Variants in ETV7 observed in about 807,000 individuals in gnomAD.
ETV7 encodes transcription factor ETV7.
Under a neutral mutation model 39.1 loss-of-function variants are expected in ETV7, and 43 were observed. The observed-to-expected ratio is 1.10, with a 90% confidence interval of 0.86 to 1.42. The LOEUF (loss-of-function observed/expected upper bound fraction) is 1.42, where lower values mean the gene tolerates loss of function less well. ETV7 is among the 40% of genes most tolerant of loss of function. The probability of loss-of-function intolerance (pLI) is 0.00; values close to 1 mark genes in which losing one functional copy is unlikely to be tolerated. For missense variants in ETV7, 432 were observed against 442.3 expected, an observed-to-expected ratio of 0.98 and a Z score of 0.21; for synonymous variants, 196 against 176.6, an observed-to-expected ratio of 1.11 and a Z score of -0.87.
At chr6:36,379,875 CAAA>C (rs75859733) in intron 2 of ETV7, among the ~76,000 whole-genome samples, 3 of 85,830 alleles carry the variant, frequency 3.5e-5, no homozygotes, top group African/African-American at 4.4e-5. Context: ...GACGCCATCT[CAAA>C]AAAAAAAAAA....
Position 36,387,521 on chromosome 6 carries a change from C to T in ETV7, c.6+15G>A, listed in dbSNP as rs1773975546. ...CTCTGCGTGCGCGCTGCGTGTTCAG[C>T]CGCCAGGCTCTTACCTGCATTACAG... is the stretch of plus-strand genomic sequence containing the variant. On this transcript the variant is annotated intron_variant, in intron 1 of 7. Transcript: ENST00000340181. 6.2e-7 allele frequency: 1 copy of T among 1,613,988 alleles called. No homozygotes were observed.
At chr6:36,355,662 C>T (rs1206106877) in intron 7 of ETV7, among the ~76,000 whole-genome samples, 2 of 152,256 alleles carry the variant, frequency 1.3e-5, no homozygotes, top group Non-Finnish European at 2.9e-5. Context: ...ATCTGCCCAC[C>T]TTGGCTTCCC....
chr6:36,361,531 G>C (rs1772488538), downstream of ETV7, among the ~76,000 whole-genome samples: 1 of 152,228 alleles, frequency 6.6e-6, no homozygotes, highest in Non-Finnish European at 1.5e-5. Flanking sequence ...TGGGTCCCCA[G>C]CATCAGCCCA....
chr6:36,369,097 G>C (rs570895979), intron 5 of ETV7, 26 bp from the exon 6 acceptor site: 1 of 1,613,290 alleles, frequency 6.2e-7, no homozygotes, highest in East Asian at 2.2e-5. Flanking sequence ...GGGAGTGCAG[G>C]CAGCGCAGCT....
In ETV7 at chr6:36,359,227, A is replaced by G. The variant is rs1013922576; in HGVS notation, c.909-4540T>C. Among the ~76,000 whole-genome samples, 7 of 152,164 alleles carry G rather than the reference A, an allele frequency of 4.6e-5. No individual in the cohort carries two copies. In the South Asian group the frequency reaches 1.5e-3, roughly 32 times the overall value. On this transcript the variant is annotated intron_variant, in intron 7 of 7. Transcript: ENST00000339796. ...GCACTTTGGGAGGCCAAGGTGGGCA[A>G]ATCACCTGAGGTCGAGAGTTCAAGA... is the stretch of plus-strand genomic sequence containing the variant.
intron 3 of ETV7, among the ~76,000 whole-genome samples, chr6:36,375,462 G>C (rs12524959): frequency 1.8e-3 from 276 of 152,276 alleles, no homozygotes; most frequent in Non-Finnish European, 2.6e-3. Flanking sequence ...AGTCATATTG[G>C]AAGTCAAGGA....
Position 36,387,621 on chromosome 6 carries a change from G to A in ETV7, c.-80C>T. On this transcript the variant is annotated 5_prime_UTR_variant, in exon 1 of 8. Transcript: ENST00000340181. The stretch of plus-strand genomic sequence containing the variant: ...GTGGCTGCTGGGGCCCTAGGCCCGC[G>A]CCCCGCAGTCCTCCTCCGCCAAACC... 3 of 1,533,200 alleles carry A rather than the reference G, an allele frequency of 2.0e-6. No individual in the cohort carries two copies. The highest frequency in any genetic ancestry group is 2.7e-6 in the Non-Finnish European group (3 of 1,112,932). The allele number at this position is 1,533,200 out of a possible 1,614,324, so 95.0% of individuals were successfully genotyped here. A position where few individuals can be genotyped will look rare whatever the true frequency, so the allele number is the denominator to read the frequency against.
chr6:36,362,368 C>T (rs1228867246), downstream of ETV7, among the ~76,000 whole-genome samples: 1 of 151,936 alleles, frequency 6.6e-6, no homozygotes, highest in Non-Finnish European at 1.5e-5. Context: ...GAGGCTGAGG[C>T]AGGAGAATCA....
In ETV7 at chr6:36,375,859, C is replaced by A; in HGVS notation, c.307+12G>T. The A allele has an allele frequency of 6.2e-7, 1 of 1,613,882 alleles. No homozygotes were observed. Among genetic ancestry groups the A allele is most frequent in the South Asian group, 1.1e-5 (1 of 91,088 alleles). ...GTTCCCGCTTAGAGGAAAGCCTGTG[C>A]GTTTCCCTGACCTGAGCTGGGCGCA... On this transcript the variant is annotated intron_variant, in intron 3 of 7. Transcript: ENST00000340181.
chr6:36,385,687 A>G lies in ETV7; in HGVS notation c.7-18T>C, dbSNP rs1582231061. 6.3e-7 allele frequency: 1 copy of G among 1,584,270 alleles called. No homozygotes were observed. On this transcript the variant is annotated intron_variant, in intron 1 of 7. Transcript: ENST00000340181. ...TCTCCCTCCTAGAGAGAGAAAAACC[A>G]GGACAGTCAAAGAAGAGCATCTTGG...
chr6:36,368,965 A>C lies in ETV7; in HGVS notation c.771T>G (p.Asp257Glu), dbSNP rs201764978. 3.7e-6 allele frequency: 6 copies of C among 1,614,100 alleles called. No individual in the cohort carries two copies. The East Asian group carries it at 1.3e-4, about 36-fold the overall frequency. Residue 257 changes from aspartate to glutamate, a missense_variant, in exon 6 of 8, where the codon GAT becomes GAG. By Grantham distance (45) the Asp-to-Glu change is conservative (BLOSUM62 2). Coordinates refer to ENST00000340181, the MANE Select transcript of ETV7 (RefSeq NM_016135.4). ...CCCAGAGTCTGGCGAGCCCATTTGG[A>C]TCCACAACTCGGAAGATCTTGGCGT... ...DKDAKIFRVV[D>E]PNGLARLWGN... is the part of the protein sequence containing the mutation.
intron 2 of ETV7, 38 bp from the exon 3 acceptor site, chr6:36,376,073 G>C (rs781042595): frequency 1.9e-6 from 3 of 1,563,588 alleles, no homozygotes; most frequent in Admixed American, 3.4e-5. Flanking sequence ...ACTCCCCGTC[G>C]GGCCTCCTCA....
At chr6:36,363,018 C>A (rs538954086), downstream of ETV7, among the ~76,000 whole-genome samples, 6 of 152,122 alleles carry the variant, frequency 3.9e-5, no homozygotes, top group African/African-American at 1.2e-4. Context: ...TGTGATCTTG[C>A]GCAAGTCACT....
At chr6:36,355,321 C>T (rs1000196483) in intron 7 of ETV7, among the ~76,000 whole-genome samples, 3 of 151,710 alleles carry the variant, frequency 2.0e-5, no homozygotes, top group African/African-American at 7.3e-5. Context: ...TGCTTTTTCC[C>T]TATCTATTGA....
At chr6:36,381,831 T>C (rs1005392053) in intron 2 of ETV7, among the ~76,000 whole-genome samples, 3 of 152,182 alleles carry the variant, frequency 2.0e-5, no homozygotes, top group African/African-American at 7.2e-5. Context: ...GGACTTTGAT[T>C]GGCTTCTCCC....
chr6:36,365,954 C>G (rs1330498421), downstream of ETV7, among the ~76,000 whole-genome samples: 1 of 152,180 alleles, frequency 6.6e-6, no homozygotes, highest in Non-Finnish European at 1.5e-5. Context: ...AGAGGATCAC[C>G]TGAGGTCGCA....
chr6:36,368,935 A>G lies in ETV7; in HGVS notation c.801T>C (p.Asn267=), dbSNP rs1772859488. ...DPNGLARLWG[N]HKNRVNMTYE... is the part of the protein sequence containing the mutation. ...TCTGCTGGCCGAGGCTCACCTTGTG[A>G]TTTCCCCAGAGTCTGGCGAGCCCAT... Residue 267 remains asparagine, a synonymous_variant, in exon 6 of 8, where the codon AAT becomes AAC. Coordinates refer to ENST00000340181, the MANE Select transcript of ETV7 (RefSeq NM_016135.4). The G allele has an allele frequency of 1.2e-6, 2 of 1,613,846 alleles. No homozygotes were observed. Among genetic ancestry groups the G allele is most frequent in the African/African-American group, 2.7e-5 (2 of 74,826 alleles).
rs1444882871 is a variant in ETV7, at chr6:36,368,969, A to G, written c.767T>C (p.Val256Ala). Residue 256 changes from valine to alanine, a missense_variant, in exon 6 of 8, where the codon GTG (valine) becomes GCG (alanine). By Grantham distance (64) the Val-to-Ala change is moderately conservative. Transcript: ENST00000340181. ...EDKDAKIFRVVDPNGLARLWG... is the reference protein window; with the variant it reads ...EDKDAKIFRVADPNGLARLWG... ...GAGTCTGGCGAGCCCATTTGGATCCACAACTCGGAAGATCTTGGCGTCCTT... is the reference window on the plus strand; with the variant it reads ...GAGTCTGGCGAGCCCATTTGGATCCGCAACTCGGAAGATCTTGGCGTCCTT... The G allele has an allele frequency of 2.5e-6, 4 of 1,614,168 alleles. No homozygotes were observed. The highest frequency in any genetic ancestry group is 1.3e-5 in the African/African-American group (1 of 75,050).
Position 36,366,223 on chromosome 6 carries a change from G to C in ETV7, c.*422C>G. 9.8e-7 allele frequency: 1 copy of C among 1,020,964 alleles called. No homozygotes were observed. Among genetic ancestry groups the C allele is most frequent in the Non-Finnish European group, 1.2e-6 (1 of 850,956 alleles). 63.2% of individuals were successfully genotyped at this position (1,020,964 alleles called of 1,614,324 possible). ...CTACCATTGTTTTTATTGTTACTGA[G>C]GCTGTCAGTGCCGCCTGGAAGCACT... is the stretch of plus-strand genomic sequence containing the variant. On this transcript the variant is annotated 3_prime_UTR_variant, in exon 8 of 8. Coordinates refer to ENST00000340181, the MANE Select transcript of ETV7 (RefSeq NM_016135.4).
Sources: allele counts gnomAD v4.1 joint callset (sites outside exome capture counted in the v4.1 genomes callset), GRCh38; gene constraint gnomAD v4.1.1; transcripts MANE v1.5; gene names NCBI Gene and HGNC (gene_info 2026-07-23, HGNC 2026-07-21).